Variants in ITPR1 observed in about 807,000 individuals in gnomAD.
The protein encoded by ITPR1 is inositol 1,4,5-trisphosphate-gated calcium channel ITPR1.
Under a neutral mutation model 318.4 loss-of-function variants are expected in ITPR1, and 96 were observed. That is an observed-to-expected ratio of 0.30 (90% CI 0.26 to 0.36). The LOEUF is 0.36. Ranked by LOEUF, ITPR1 falls within the 10% of genes least tolerant of loss-of-function variation. The pLI, the probability that ITPR1 is intolerant of heterozygous loss-of-function variation, is 1.00. For missense variants in ITPR1, 2,440 were observed against 3,460.2 expected (o/e 0.71, Z 7.40); for synonymous variants, 1,312 against 1,289.9 (o/e 1.02, Z -0.37).
At position 4,516,926 on chromosome 3, in the gene ITPR1, C is replaced by T. The variant is rs61116578; in HGVS notation, c.92+343C>T. 3.6e-3 allele frequency among the ~76,000 whole-genome samples: 551 copies of T among 152,236 alleles called. 4 individuals are homozygous for T. Among genetic ancestry groups the T allele is most frequent in the African/African-American group, 0.013 (525 of 41,530 alleles). ...TGTAAAGATGAATATTTGCAGAGCC[C>T]AAAGAAGTGCTTTTTAGTTTTGTAA... On this transcript the variant is annotated intron_variant, in intron 3 of 61. Coordinates refer to ENST00000649015, the MANE Select transcript of ITPR1 (RefSeq NM_001378452.1).
intron 4 of ITPR1, among the ~76,000 whole-genome samples, chr3:4,559,901 T>G (rs1394721986): frequency 6.6e-6 from 1 of 152,170 alleles, no homozygotes; most frequent in African/African-American, 2.4e-5. Context: ...CAATTTGACA[T>G]GCTAGTCTCC....
intron 4 of ITPR1, among the ~76,000 whole-genome samples, chr3:4,543,895 G>C (rs185721344): frequency 6.6e-6 from 1 of 152,274 alleles, no homozygotes; most frequent in Admixed American, 6.5e-5. Context: ...GTGTCTTTTT[G>C]CTCCACATCC....
rs957674172 is a variant in ITPR1, at chr3:4,839,734, T to C, written c.8190+2799T>C. Among the ~76,000 whole-genome samples, 6 of 152,210 alleles carry C rather than the reference T, an allele frequency of 3.9e-5. No individual in the cohort carries two copies. The South Asian group carries it at 1.0e-3, about 26-fold the overall frequency. On this transcript the variant is annotated intron_variant, in intron 61 of 61. Coordinates refer to ENST00000649015, the MANE Select transcript of ITPR1 (RefSeq NM_001378452.1). ...CCAAAGTTTTAGTTTAAACAAAATA[T>C]GTAAAATTTGATTACATATGGACTA...
chr3:4,699,673 G>T, intron 34 of ITPR1, 140 bp from the exon 35 acceptor site: 1 of 670,956 alleles, frequency 1.5e-6, no homozygotes, highest in East Asian at 2.7e-5. Context: ...TTATTATTAT[G>T]ATTCCTTAAG....
Position 4,812,610 on chromosome 3 carries a change from C to T in ITPR1, c.7469-532C>T, listed in dbSNP as rs568509118. The stretch of plus-strand genomic sequence containing the variant: ...ACTTAGTGAAATACTACTGGTTTTT[C>T]ATCCCGAGTCTAAGAAACAGACTAG... On this transcript the variant is annotated intron_variant, in intron 56 of 61. Coordinates refer to ENST00000649015, the MANE Select transcript of ITPR1 (RefSeq NM_001378452.1). Among the ~76,000 whole-genome samples, 48 of 152,284 alleles carry T rather than the reference C, an allele frequency of 3.2e-4. No individual in the cohort carries two copies. In the South Asian group the frequency reaches 9.1e-3, roughly 29 times the overall value.
intron 5 of ITPR1, among the ~76,000 whole-genome samples, chr3:4,634,415 T>C (rs1312825432): frequency 6.6e-6 from 1 of 151,982 alleles, no homozygotes; most frequent in African/African-American, 2.4e-5. Flanking sequence ...TTTTGCCACA[T>C]TGCCCAGGCT....
At chr3:4,494,561 A>G (rs555018710) in intron 2 of ITPR1, 55 bp downstream of exon 2, 32 of 152,312 alleles carry the variant, frequency 2.1e-4, no homozygotes, top group African/African-American at 7.5e-4. Flanking sequence ...TCCTAAGCCT[A>G]TTTTAAGTTC....
rs777501580 is a variant in ITPR1 at position 4,782,646 on chromosome 3, C to G, written c.6415C>G (p.Gln2139Glu). ...GGAAGTGATCAAGAAAGCCTACATGCAAGGTGAAGTGGAATTTGAGGATGG... is the reference window on the plus strand; with the variant it reads ...GGAAGTGATCAAGAAAGCCTACATGGAAGGTGAAGTGGAATTTGAGGATGG... ...LVEVIKKAYM[Q>E]GEVEFEDGEN... Residue 2139 changes from glutamine to glutamate, a missense_variant, in exon 50 of 62, where the codon CAA (glutamine) becomes GAA (glutamate). By Grantham distance (29) the Gln-to-Glu change is conservative. Transcript: ENST00000649015. The G allele has an allele frequency of 4.1e-5, 66 of 1,605,832 alleles. No individual in the cohort carries two copies. Among genetic ancestry groups the G allele is most frequent in the Non-Finnish European group, 5.3e-5 (62 of 1,175,764 alleles).
At chr3:4,693,130 A>G (rs1301097345) in intron 32 of ITPR1, among the ~76,000 whole-genome samples, 2 of 152,230 alleles carry the variant, frequency 1.3e-5, no homozygotes, top group East Asian at 3.8e-4. Context: ...ATCTCAAAAA[A>G]AATAAATAAG....
At chr3:4,567,835 C>T (rs148854859) in intron 4 of ITPR1, among the ~76,000 whole-genome samples, 57 of 152,268 alleles carry the variant, frequency 3.7e-4, no homozygotes, top group East Asian at 2.9e-3. Flanking sequence ...AATTCCTGAG[C>T]TCAAGCGATC....
At chr3:4,531,039 C>T (rs926068879) in intron 4 of ITPR1, among the ~76,000 whole-genome samples, 4 of 152,034 alleles carry the variant, frequency 2.6e-5, no homozygotes, top group Non-Finnish European at 4.4e-5. Context: ...TGTTCTTGAC[C>T]GTTGGAGCAC....
chr3:4,713,643 T>C (rs1455051102), intron 39 of ITPR1, among the ~76,000 whole-genome samples: 2 of 152,178 alleles, frequency 1.3e-5, no homozygotes, highest in Non-Finnish European at 2.9e-5. Flanking sequence ...ATGCATGTTA[T>C]AAAGCTCATG....
At chr3:4,689,535 T>C (rs1162485937) in intron 31 of ITPR1, among the ~76,000 whole-genome samples, 1 of 152,196 alleles carries the variant, frequency 6.6e-6, no homozygotes, top group Non-Finnish European at 1.5e-5. Context: ...CAGACTATAA[T>C]GCAAATATTC....
intron 4 of ITPR1, among the ~76,000 whole-genome samples, chr3:4,549,979 TTTC>T (rs1559429060): frequency 6.6e-6 from 1 of 152,172 alleles, no homozygotes; most frequent in Non-Finnish European, 1.5e-5. Context: ...AAAACAAGAT[TTTC>T]TTCTTGAGAC....
intron 4 of ITPR1, among the ~76,000 whole-genome samples, chr3:4,524,301 G>GTTTT (rs56380229): frequency 0.013 from 983 of 73,492 alleles, 76 homozygotes; most frequent in Non-Finnish European, 0.019. Flanking sequence ...ATACTTTGAC[G>GTTTT]TTTTTTTTTT....
In ITPR1 at chr3:4,779,635, C is replaced by G. The variant is rs1559881756; in HGVS notation, c.6377C>G (p.Pro2126Arg). 6.2e-7 allele frequency: 1 copy of G among 1,609,230 alleles called. No individual in the cohort carries two copies. The highest frequency in any genetic ancestry group is 8.5e-7 in the Non-Finnish European group (1 of 1,176,302). Residue 2126 changes from proline (P) to arginine (R), a missense_variant, in exon 49 of 62, where the codon CCC becomes CGC. Around this residue, in one of 23 missense-constraint regions of ITPR1, gnomAD observed 49 missense variants for 47.2 expected, o/e 1.04. Coordinates refer to ENST00000649015, the MANE Select transcript of ITPR1 (RefSeq NM_001378452.1). The surrounding 1 kb of genome is among the most constrained non-coding windows in gnomAD (Gnocchi z 4.0). Reference sequence around the variant, plus strand: ...GAGAGGATACTTTATAACATGAGGCCCAAGGAACTGGTGAGTCGGGTGACG... The same window carrying G: ...GAGAGGATACTTTATAACATGAGGCGCAAGGAACTGGTGAGTCGGGTGACG... ...NAERILYNMR[P>R]KELVEVIKKA...
chr3:4,619,672 T>TCCCCTCCTCTCTTCTGCC (rs2092538528), intron 4 of ITPR1, among the ~76,000 whole-genome samples: 1 of 6,390 alleles, frequency 1.6e-4, no homozygotes, highest in Admixed American at 1.8e-3. Flanking sequence ...TCTCCTCTGC[T>TCCCCTCCTCTCTTCTGCC]CTCCCCTGCT....
chr3:4,686,146 G>A (rs1385346564), intron 30 of ITPR1, among the ~76,000 whole-genome samples: 1 of 152,140 alleles, frequency 6.6e-6, no homozygotes, highest in African/African-American at 2.4e-5. Context: ...AGCGGGAGAG[G>A]TTCAGTAACT....
At chr3:4,717,844 T>G (rs2041883355) in intron 40 of ITPR1, among the ~76,000 whole-genome samples, 1 of 152,210 alleles carries the variant, frequency 6.6e-6, no homozygotes, top group South Asian at 2.1e-4. Flanking sequence ...TTGGTCTACG[T>G]ATTGAAAAGT....
Sources: gnomAD v4.1 joint callset for allele counts (sites outside exome capture counted in the v4.1 genomes callset) on GRCh38, gnomAD v4.1.1 for gene constraint, gnomAD v4.1.1 regional missense constraint, Gnocchi (gnomAD v3.1) non-coding constraint, MANE v1.5 for transcripts, NCBI Gene and HGNC (gene_info 2026-07-23, HGNC 2026-07-21) for gene names.